The following ELL variants were observed in gnomAD, a reference collection of about 807,000 sequenced individuals.
ELL encodes the protein RNA polymerase II elongation factor ELL.
In ELL, 18 loss-of-function variants were observed where a neutral mutation model predicts 64.0. The observed-to-expected ratio is 0.28, with a 90% CI of 0.19 to 0.42. ELL has a LOEUF of 0.42. Ranked by LOEUF, ELL falls within the 10% of genes least tolerant of loss-of-function variation. The pLI is 1.00. For missense variants in ELL, 797 were observed against 870.4 expected (o/e 0.92, Z 1.06); for synonymous variants, 399 against 376.2 (o/e 1.06, Z -0.70).
chr19:18,475,664 C>A (rs1271758979), intron 1 of ELL: 1 of 152,154 alleles, frequency 6.6e-6, no homozygotes, highest in Admixed American at 6.5e-5. Context: ...GAAGGCTGCA[C>A]GTCATGCCAC....
intron 1 of ELL, among the ~76,000 whole-genome samples, chr19:18,515,610 G>GT (rs1976110516): frequency 6.6e-6 from 1 of 152,260 alleles, no homozygotes; most frequent in African/African-American, 2.4e-5. Flanking sequence ...CTCCACAGGT[G>GT]TAGGTGCCCA....
At chr19:18,451,886 G>C (rs537889704) in intron 6 of ELL, among the ~76,000 whole-genome samples, 2 of 152,322 alleles carry the variant, frequency 1.3e-5, no homozygotes, top group African/African-American at 4.8e-5. Flanking sequence ...GGATCACTTT[G>C]TGTAGGTGCC....
In ELL at chr19:18,506,316, G is replaced by A. The variant is rs554687588; in HGVS notation, c.135+15605C>T. Among the ~76,000 whole-genome samples the A allele has an allele frequency of 1.2e-3, 189 of 152,368 alleles. 1 individual carries two copies. Among genetic ancestry groups the A allele is most frequent in the Non-Finnish European group, 1.5e-3 (102 of 68,028 alleles). On this transcript the variant is annotated intron_variant, in intron 1 of 11. Transcript: ENST00000262809. Reference sequence around the variant, plus strand: ...CTCAAGGTGCGCCTGCTCCTAAGCCGCCTCCCACAGTGGAGGGACACCCGG... The same window carrying A: ...CTCAAGGTGCGCCTGCTCCTAAGCCACCTCCCACAGTGGAGGGACACCCGG...
At chr19:18,470,309 C>T (rs576075998) in intron 2 of ELL, among the ~76,000 whole-genome samples, 8 of 152,360 alleles carry the variant, frequency 5.3e-5, no homozygotes, top group South Asian at 2.1e-4. Flanking sequence ...TGTCATCTGA[C>T]GGGCTCGCTG....
chr19:18,468,923 G>A (rs1049943106), intron 2 of ELL, among the ~76,000 whole-genome samples: 1 of 152,234 alleles, frequency 6.6e-6, no homozygotes, highest in African/African-American at 2.4e-5. Context: ...CCCCCTGCCT[G>A]AGCCTGCCCA....
intron 6 of ELL, among the ~76,000 whole-genome samples, chr19:18,452,625 C>CTGCTGCAGGGAT (rs1426116351): frequency 6.6e-6 from 1 of 152,228 alleles, no homozygotes; most frequent in Non-Finnish European, 1.5e-5. Flanking sequence ...GGACAACAGA[C>CTGCTGCAGGGAT]TGCTGCAGGG....
chr19:18,491,219 A>ACT (rs1837810174), intron 1 of ELL, among the ~76,000 whole-genome samples: 1 of 138,144 alleles, frequency 7.2e-6, no homozygotes, highest in Admixed American at 8.0e-5. Context: ...AGTAGCTGGG[A>ACT]CTACAGGTGC....
At chr19:18,466,048 A>T in intron 2 of ELL, 130 bp from the exon 3 acceptor site, 1 of 909,858 alleles carries the variant, frequency 1.1e-6, no homozygotes. Context: ...TCCCTAAAAC[A>T]CACCCCTGCT....
intron 1 of ELL, among the ~76,000 whole-genome samples, chr19:18,479,274 CAG>C (rs1975242615): frequency 6.6e-6 from 1 of 152,204 alleles, no homozygotes; most frequent in African/African-American, 2.4e-5. Context: ...TCAAGCAGTG[CAG>C]GGGCTGAGAA....
At position 18,461,716 on chromosome 19, in the gene ELL, C is replaced by T. The variant is rs1215788954; in HGVS notation, c.606G>A (p.Val202=). Residue 202 remains valine (V), a synonymous_variant, in exon 5 of 12, where the codon GTG becomes GTA. Transcript: ENST00000262809. ...GASAVSGGSG[V]SQRPFRDRVL... is the part of the protein sequence containing the mutation. Reference sequence around the variant, plus strand: ...CTCGGTCACGGAAGGGCCTCTGGGACACCCCGCTGCCCCCACTCACGGCAC... The same window carrying T: ...CTCGGTCACGGAAGGGCCTCTGGGATACCCCGCTGCCCCCACTCACGGCAC... 5 of 1,613,740 alleles carry T rather than the reference C, an allele frequency of 3.1e-6. No homozygotes were observed. The highest frequency in any genetic ancestry group is 4.2e-6 in the Non-Finnish European group (5 of 1,179,954).
chr19:18,458,269 C>T lies in ELL; in HGVS notation c.805G>A (p.Val269Met), dbSNP rs1974724226. 6.2e-7 allele frequency: 1 copy of T among 1,613,196 alleles called. No homozygotes were observed. The highest frequency in any genetic ancestry group is 1.3e-5 in the African/African-American group (1 of 74,934). ...CTLQDCMYKDVQKDWPGYSEG... is the reference protein window; with the variant it reads ...CTLQDCMYKDMQKDWPGYSEG... ...GAGTAGCCAGGCCAGTCCTTCTGCA[C>T]ATCCTTGTACATGCAGTCCTGCAGT... Residue 269 changes from valine (V) to methionine (M), a missense_variant, in exon 6 of 12, where the codon GTG becomes ATG. Transcript: ENST00000262809.
chr19:18,521,874 C>T (rs1328465604), intron 1 of ELL, 47 bp downstream of exon 1: 6 of 1,533,440 alleles, frequency 3.9e-6, no homozygotes, highest in South Asian at 2.4e-5. Flanking sequence ...GAGGCCGGCC[C>T]GCGTCCGGAC....
chr19:18,511,184 A>G (rs145126537), intron 1 of ELL, among the ~76,000 whole-genome samples: 98 of 150,310 alleles, frequency 6.5e-4, no homozygotes, highest in African/African-American at 2.3e-3. Context: ...GGAGAATGGC[A>G]TGAACCCGGG....
At chr19:18,496,592 G>A (rs929907521) in intron 1 of ELL, among the ~76,000 whole-genome samples, 3 of 152,158 alleles carry the variant, frequency 2.0e-5, no homozygotes, top group Non-Finnish European at 4.4e-5. Context: ...TCATGGGTTG[G>A]AGGCGTGGAG....
intron 2 of ELL, among the ~76,000 whole-genome samples, chr19:18,471,977 T>C (rs1355803370): frequency 2.0e-5 from 3 of 152,030 alleles, no homozygotes; most frequent in Non-Finnish European, 4.4e-5. Flanking sequence ...TCTTTTTTTT[T>C]TTGAGACAGA....
In ELL at chr19:18,522,065, A is replaced by G; in HGVS notation, c.-10T>C. On this transcript the variant is annotated 5_prime_UTR_variant, in exon 1 of 12. The change abolishes an upstream ATG in the 5' untranslated region. Transcript: ENST00000262809. ...CCTTCAGCGCCGCCATCTTGCGACC[A>G]TCTCTCCCCCGCGCCCCCTTCCCGG... The G allele has an allele frequency of 6.3e-7, 1 of 1,588,798 alleles. No homozygotes were observed. Among genetic ancestry groups the G allele is most frequent in the Non-Finnish European group, 8.6e-7 (1 of 1,166,150 alleles).
intron 2 of ELL, chr19:18,470,881 G>C (rs538394667): frequency 1.5e-4 from 68 of 451,854 alleles, no homozygotes; most frequent in South Asian, 1.0e-3. Context: ...GCCCACAGTC[G>C]TCTGAGCCCA....
In ELL at chr19:18,521,414, C is replaced by T. The variant is rs138199682; in HGVS notation, c.135+507G>A. Among the ~76,000 whole-genome samples, 343 of 152,278 alleles carry T rather than the reference C, an allele frequency of 2.3e-3. 1 individual carries two copies. The highest frequency in any genetic ancestry group is 8.0e-3 in the African/African-American group (332 of 41,552). On this transcript the variant is annotated intron_variant, in intron 1 of 11. Coordinates refer to ENST00000262809, the MANE Select transcript of ELL (RefSeq NM_006532.4). ...AGACAGAACAGACCCCCACAAGTGC[C>T]TCGCTGACCACCCCCTGCCGGGCAC...
At chr19:18,463,160 C>G (rs984488814) in intron 4 of ELL, among the ~76,000 whole-genome samples, 3 of 152,208 alleles carry the variant, frequency 2.0e-5, no homozygotes, top group Middle Eastern at 6.8e-3. Flanking sequence ...ACCCAGAAAG[C>G]CTTGCTTTCA....
Sources: allele counts gnomAD v4.1 joint callset (sites outside exome capture counted in the v4.1 genomes callset), GRCh38; gene constraint gnomAD v4.1.1; transcripts MANE v1.5; gene names NCBI Gene and HGNC (gene_info 2026-07-23, HGNC 2026-07-21).